The following CAPRIN1 variants were observed in gnomAD, a reference collection of about 807,000 sequenced individuals.
The protein encoded by CAPRIN1 is cell cycle associated protein 1.
Under a neutral mutation model 100.9 loss-of-function variants are expected in CAPRIN1, and 29 were observed. The ratio of observed to expected loss-of-function variants is 0.29; its 90% CI spans 0.21 to 0.39. The LOEUF (loss-of-function observed/expected upper bound fraction) is 0.39, where lower values mean the gene tolerates loss of function less well. CAPRIN1 is among the 10% of genes least tolerant of loss of function. CAPRIN1 has a pLI of 1.00. For synonymous variants in CAPRIN1, 338 were observed against 307.5 expected (o/e 1.10, Z -1.04); for missense variants, 795 against 876.7 (o/e 0.91, Z 1.18).
chr11:34,059,954 G>C (rs1850540361), intron 2 of CAPRIN1, among the ~76,000 whole-genome samples: 1 of 149,576 alleles, frequency 6.7e-6, no homozygotes, highest in African/African-American at 2.5e-5. Context: ...TCAGCACTTT[G>C]GGAGGCTGAG....
intron 2 of CAPRIN1, chr11:34,063,392 T>G (rs1007435740): frequency 1.3e-5 from 2 of 152,254 alleles, no homozygotes; most frequent in Non-Finnish European, 2.9e-5. Context: ...TCTTTCAATT[T>G]ACAGTTAGGT....
chr11:34,055,317 C>G (rs953864729), intron 2 of CAPRIN1, among the ~76,000 whole-genome samples: 3 of 151,702 alleles, frequency 2.0e-5, no homozygotes, highest in Admixed American at 6.6e-5. Context: ...GTGTGCGCCA[C>G]CACCCCAGGC....
intron 2 of CAPRIN1, among the ~76,000 whole-genome samples, chr11:34,058,774 T>C (rs1850510783): frequency 6.6e-6 from 1 of 152,196 alleles, no homozygotes; most frequent in Non-Finnish European, 1.5e-5. Flanking sequence ...GAAGTTTTTC[T>C]TTATGTTTAG....
At chr11:34,086,271 A>G in intron 10 of CAPRIN1, 34 bp from the exon 11 acceptor site, 1 of 1,608,630 alleles carries the variant, frequency 6.2e-7, no homozygotes, top group South Asian at 1.1e-5. Flanking sequence ...TGTTTATATT[A>G]TTTGACTTTA....
In CAPRIN1 at chr11:34,082,968, A is replaced by G; in HGVS notation, c.893A>G (p.Gln298Arg). 1 of 1,614,018 alleles carries G rather than the reference A, an allele frequency of 6.2e-7. No homozygotes were observed. ...TTTGCTTTGCAGTATGTAAATAGAC[A>G]GTTCATGGCAGAAACACAGTTCACC... ...EVESTEYVNR[Q>R]FMAETQFTSG... Residue 298 changes from glutamine to arginine, a missense_variant, in exon 9 of 19, where the codon CAG (glutamine) becomes CGG (arginine). Transcript: ENST00000341394.
chr11:34,074,460 T>G (rs765526419), intron 4 of CAPRIN1, among the ~76,000 whole-genome samples: 13 of 152,260 alleles, frequency 8.5e-5, no homozygotes, highest in Non-Finnish European at 1.6e-4. Flanking sequence ...AGCCTACCTT[T>G]TCACCTTTTT....
chr11:34,072,593 GCAAACTGATGTGCTCCTATAT>G (rs1361890719), intron 4 of CAPRIN1, among the ~76,000 whole-genome samples: 1 of 152,116 alleles, frequency 6.6e-6, no homozygotes, highest in Non-Finnish European at 1.5e-5. Context: ...AAGGGGTATG[GCAAACTGATGTGCTCCTATAT>G]CAGCACTCGA....
intron 2 of CAPRIN1, among the ~76,000 whole-genome samples, chr11:34,057,787 C>T (rs139743779): frequency 2.6e-5 from 4 of 152,176 alleles, no homozygotes; most frequent in African/African-American, 7.2e-5. Context: ...GGCATGACCT[C>T]GGCTCACTAC....
intron 4 of CAPRIN1, among the ~76,000 whole-genome samples, chr11:34,073,044 C>T (rs1468028167): frequency 1.3e-5 from 2 of 152,136 alleles, no homozygotes; most frequent in African/African-American, 4.8e-5. Context: ...CATGTTTGCA[C>T]AATGAGGAAA....
chr11:34,091,155 G>T (rs999666293), intron 14 of CAPRIN1, among the ~76,000 whole-genome samples: 1 of 152,152 alleles, frequency 6.6e-6, no homozygotes, highest in African/African-American at 2.4e-5. Flanking sequence ...AATCGGTGCT[G>T]AGAGGAAAGT....
At chr11:34,072,121 T>G in intron 4 of CAPRIN1, 134 bp downstream of exon 4, 1 of 602,766 alleles carries the variant, frequency 1.7e-6, no homozygotes, top group Non-Finnish European at 3.0e-6. Flanking sequence ...TGCCTTCACA[T>G]TCTGTAAAGT....
intron 2 of CAPRIN1, among the ~76,000 whole-genome samples, chr11:34,058,540 C>T (rs1427601766): frequency 1.3e-5 from 2 of 152,220 alleles, no homozygotes; most frequent in South Asian, 2.1e-4. Flanking sequence ...CCTTTTGCTT[C>T]AAATCCTTAG....
chr11:34,089,835 TTATAA>T (rs142815468), intron 12 of CAPRIN1, among the ~76,000 whole-genome samples: 2,682 of 152,128 alleles, frequency 0.018, 48 homozygotes, highest in African/African-American at 0.059. Context: ...AAATAATGTA[TTATAA>T]TATAATAAGC....
intron 2 of CAPRIN1, chr11:34,052,940 G>T: frequency 1.6e-6 from 2 of 1,229,490 alleles, no homozygotes; most frequent in Non-Finnish European, 2.0e-6. Context: ...TGAGGGTGGG[G>T]GCCTGTCGTC....
At position 34,071,974 on chromosome 11, in the gene CAPRIN1, C is replaced by T; in HGVS notation, c.353C>T (p.Ala118Val). The part of the protein sequence containing the change: ...FAKELQRSFM[A>V]LSQDIQKTIK... ...AAAGAATTACAGAGGAGTTTCATGG[C>T]ACTAAGTCAAGATGTAAGTAAAAGA... The change falls in exon 4 of 19, where the codon GCA becomes GTA. Residue 118 changes from alanine (A) to valine (V), a missense_variant. Around this residue, in one of 3 missense-constraint regions of CAPRIN1, gnomAD observed 38 missense variants for 92.3 expected, o/e 0.41. Transcript: ENST00000341394. 1 of 1,605,070 alleles carries T rather than the reference C, an allele frequency of 6.2e-7. No individual in the cohort carries two copies. Among genetic ancestry groups the T allele is most frequent in the Non-Finnish European group, 8.5e-7 (1 of 1,172,278 alleles).
At chr11:34,079,840 C>A in intron 7 of CAPRIN1, 75 bp downstream of exon 7, 1 of 1,382,968 alleles carries the variant, frequency 7.2e-7, no homozygotes, top group Non-Finnish European at 9.9e-7. Context: ...TTAAACTATA[C>A]ACTTACTTAG....
At chr11:34,059,876 ATACTTTT>A (rs1353806573) in intron 2 of CAPRIN1, among the ~76,000 whole-genome samples, 1 of 129,634 alleles carries the variant, frequency 7.7e-6, no homozygotes, top group Non-Finnish European at 1.6e-5. Context: ...AAGTAGAAGA[ATACTTTT>A]TTTTTTTTTT....
chr11:34,089,089 C>G (rs540587082), intron 11 of CAPRIN1, among the ~76,000 whole-genome samples: 1 of 151,310 alleles, frequency 6.6e-6, no homozygotes, highest in Non-Finnish European at 1.5e-5. Flanking sequence ...GGCAACATGG[C>G]GAAACCCTGT....
chr11:34,058,262 G>C (rs983897910), intron 2 of CAPRIN1, among the ~76,000 whole-genome samples: 1 of 151,794 alleles, frequency 6.6e-6, no homozygotes, highest in Non-Finnish European at 1.5e-5. Flanking sequence ...TCAGCCTCCC[G>C]AGTAGCTGGG....
Sources: allele counts gnomAD v4.1 joint callset (sites outside exome capture counted in the v4.1 genomes callset), GRCh38; gene constraint gnomAD v4.1.1; regional missense constraint gnomAD v4.1.1; transcripts MANE v1.5; gene names NCBI Gene and HGNC (gene_info 2026-07-23, HGNC 2026-07-21).